The following SCN2A variants were observed in gnomAD, a reference collection of about 807,000 sequenced individuals.
SCN2A encodes the protein sodium voltage-gated channel alpha subunit 2, also known as sodium channel protein type 2 subunit alpha.
Under a neutral mutation model 188.7 loss-of-function variants are expected in SCN2A, and 20 were observed. That is an observed-to-expected ratio of 0.11 (90% CI 0.07 to 0.15). The LOEUF (loss-of-function observed/expected upper bound fraction) is 0.15, where lower values mean the gene tolerates loss of function less well. Among genes scored for constraint, SCN2A ranks in the 10% least tolerant of loss-of-function variants. The probability of loss-of-function intolerance (pLI) is 1.00; values close to 1 mark genes in which losing one functional copy is unlikely to be tolerated. For synonymous variants in SCN2A, 804 were observed against 833.1 expected (o/e 0.97, Z 0.60); for missense variants, 1,278 against 2,445.0 (o/e 0.52, Z 10.07).
intron 16 of SCN2A, among the ~76,000 whole-genome samples, chr2:165,347,788 A>AG (rs1699679612): frequency 6.6e-6 from 1 of 152,182 alleles, no homozygotes; most frequent in African/African-American, 2.4e-5. Context: ...ACAAAATGTA[A>AG]ACCTTGCTTT....
At chr2:165,312,850 T>G (rs550031354) in intron 8 of SCN2A, among the ~76,000 whole-genome samples, 1 of 152,152 alleles carries the variant, frequency 6.6e-6, no homozygotes, top group African/African-American at 2.4e-5. Context: ...TGGACATTAG[T>G]AGCTAATACC....
At chr2:165,247,668 T>A (rs970884358) in intron 1 of SCN2A, among the ~76,000 whole-genome samples, 2 of 152,196 alleles carry the variant, frequency 1.3e-5, no homozygotes, top group African/African-American at 4.8e-5. Flanking sequence ...GTGTCCCTGA[T>A]TCTGTCCCTG....
intron 26 of SCN2A, among the ~76,000 whole-genome samples, chr2:165,387,315 G>C (rs892218162): frequency 1.7e-4 from 26 of 152,040 alleles, no homozygotes; most frequent in Non-Finnish European, 4.4e-5. Context: ...CTTGTACCTG[G>C]TCATACTCCT....
chr2:165,287,732 G>T (rs1695915109), intron 1 of SCN2A, among the ~76,000 whole-genome samples: 1 of 152,044 alleles, frequency 6.6e-6, no homozygotes, highest in South Asian at 2.1e-4. Context: ...ACACCTCTTT[G>T]GGTTCTTAAA....
intron 14 of SCN2A, among the ~76,000 whole-genome samples, chr2:165,339,093 C>T (rs1047587699): frequency 6.6e-6 from 1 of 152,024 alleles, no homozygotes; most frequent in East Asian, 1.9e-4. Flanking sequence ...TGGTGGCAGG[C>T]GCCTGCAATA....
intron 13 of SCN2A, 44 bp from the exon 14 acceptor site, chr2:165,331,286 A>T (rs1259169469): frequency 1.4e-6 from 2 of 1,389,204 alleles, no homozygotes; most frequent in East Asian, 4.6e-5. Context: ...TGCTTAATAG[A>T]AAGTAAGCAG....
chr2:165,291,035 CTTTTTTTTTT>C (rs55979694), intron 1 of SCN2A, among the ~76,000 whole-genome samples: 5 of 79,970 alleles, frequency 6.3e-5, no homozygotes, highest in East Asian at 8.9e-4. Context: ...TCTTTTCTTT[CTTTTTTTTTT>C]TTTTTTTTTT....
intron 16 of SCN2A, among the ~76,000 whole-genome samples, chr2:165,352,593 A>G (rs1224606571): frequency 2.6e-5 from 4 of 152,154 alleles, no homozygotes; most frequent in African/African-American, 9.7e-5. Context: ...CGGAAGTTCA[A>G]AGCTTTTGAG....
At chr2:165,342,876 C>T (rs1360661077) in intron 15 of SCN2A, among the ~76,000 whole-genome samples, 5 of 152,126 alleles carry the variant, frequency 3.3e-5, no homozygotes, top group Non-Finnish European at 7.4e-5. Flanking sequence ...CATTGCTCAC[C>T]TTGTCCCCGT....
intron 1 of SCN2A, among the ~76,000 whole-genome samples, chr2:165,242,136 G>A (rs1038547495): frequency 6.6e-6 from 1 of 152,136 alleles, no homozygotes; most frequent in Non-Finnish European, 1.5e-5. Context: ...ATACACTGGG[G>A]TGTTTTATAA....
intron 18 of SCN2A, 81 bp from the exon 19 acceptor site, chr2:165,367,136 T>C: frequency 1.5e-6 from 2 of 1,336,820 alleles, no homozygotes; most frequent in Non-Finnish European, 2.1e-6. Flanking sequence ...CAGGTAATAA[T>C]GTAAATGAAT....
intron 11 of SCN2A, among the ~76,000 whole-genome samples, chr2:165,321,915 TCAAAC>T (rs1483775532): frequency 6.6e-6 from 1 of 152,166 alleles, no homozygotes; most frequent in African/African-American, 2.4e-5. Context: ...GAGGAAAAGA[TCAAAC>T]CAATAATACT....
chr2:165,292,684 A>G (rs1696281985), intron 1 of SCN2A, among the ~76,000 whole-genome samples: 1 of 152,210 alleles, frequency 6.6e-6, no homozygotes, highest in Non-Finnish European at 1.5e-5. Context: ...TCTAATTATA[A>G]TTGATACCGG....
intron 14 of SCN2A, among the ~76,000 whole-genome samples, chr2:165,334,237 T>C (rs1304261179): frequency 1.3e-5 from 2 of 151,546 alleles, no homozygotes; most frequent in Non-Finnish European, 3.0e-5. Flanking sequence ...TTCCAACACA[T>C]AGAAGAGAAG....
chr2:165,252,229 C>T (rs866933442), intron 1 of SCN2A, among the ~76,000 whole-genome samples: 2 of 152,024 alleles, frequency 1.3e-5, no homozygotes, highest in Middle Eastern at 3.2e-3. Flanking sequence ...ATATATTCTG[C>T]ATATCTGAAT....
intron 1 of SCN2A, among the ~76,000 whole-genome samples, chr2:165,263,102 TG>T (rs1410143970): frequency 2.0e-5 from 3 of 152,196 alleles, no homozygotes; most frequent in African/African-American, 7.2e-5. Context: ...TGTTTTTTTC[TG>T]GCTGATTTGT....
At chr2:165,357,352 A>G (rs536258867) in intron 17 of SCN2A, among the ~76,000 whole-genome samples, 23 of 152,296 alleles carry the variant, frequency 1.5e-4, no homozygotes, top group African/African-American at 5.5e-4. Flanking sequence ...GTAGTAAGAA[A>G]CATCATGAGG....
In SCN2A at chr2:165,391,257, A is replaced by G. The variant is rs886055005; in HGVS notation, c.*1433A>G. The G allele has an allele frequency of 2.6e-5, 4 of 152,524 alleles. No individual in the cohort carries two copies. Among genetic ancestry groups the G allele is most frequent in the Non-Finnish European group, 4.4e-5 (3 of 68,008 alleles). 9.4% of individuals were successfully genotyped at this position (152,524 alleles called of 1,614,324 possible). On this transcript the variant is annotated 3_prime_UTR_variant, in exon 27 of 27. Coordinates refer to ENST00000375437, the MANE Select transcript of SCN2A (RefSeq NM_001040142.2). ...AACAAGGAAGAGCTTCTTGCTTTTT[A>G]TTCTTCCAACCTTAATTGAACACTC...
At chr2:165,327,638 G>A (rs753229270) in intron 13 of SCN2A, 1 of 152,912 alleles carries the variant, frequency 6.5e-6, no homozygotes, top group Admixed American at 6.5e-5. Context: ...TTGTGACTTT[G>A]AATTTCAGTC....
Sources: gnomAD v4.1 joint callset for allele counts (sites outside exome capture counted in the v4.1 genomes callset) on GRCh38, gnomAD v4.1.1 for gene constraint, MANE v1.5 for transcripts, NCBI Gene and HGNC (gene_info 2026-07-23, HGNC 2026-07-21) for gene names.